SPMAP2L: variants seen among roughly 807,000 people sequenced by gnomAD.
SPMAP2L encodes the protein sperm microtubule associated protein 2-like.
At chr4:56,614,662 A>AG in the SPMAP2L span, among the ~76,000 whole-genome samples, 1 of 152,096 alleles carries the variant, frequency 6.6e-6, no homozygotes, top group Non-Finnish European at 1.5e-5. Flanking sequence ...AAAAAAAAAA[A>AG]GTTTTCTCTG....
chr4:56,605,462 C>G, the SPMAP2L span, among the ~76,000 whole-genome samples: 1 of 150,954 alleles, frequency 6.6e-6, no homozygotes, highest in Admixed American at 6.6e-5. Context: ...GAACTTTGAT[C>G]CCATGGGAAA....
At chr4:56,618,493 A>G in the SPMAP2L span, among the ~76,000 whole-genome samples, 3 of 152,194 alleles carry the variant, frequency 2.0e-5, no homozygotes, top group African/African-American at 7.2e-5. Flanking sequence ...GAAACTTACA[A>G]TCATGGCAGA....
the SPMAP2L span, among the ~76,000 whole-genome samples, chr4:56,581,317 T>C: frequency 6.6e-5 from 10 of 150,614 alleles, no homozygotes; most frequent in African/African-American, 2.4e-4. Context: ...TAGCCAGGAG[T>C]GGTGGTGTGT....
the SPMAP2L span, among the ~76,000 whole-genome samples, chr4:56,560,891 G>A: frequency 2.0e-5 from 3 of 152,114 alleles, no homozygotes; most frequent in East Asian, 5.8e-4. Flanking sequence ...GATTACAGGT[G>A]TGAGCCACCA....
chr4:56,582,372 A>G, the SPMAP2L span, among the ~76,000 whole-genome samples: 349 of 152,246 alleles, frequency 2.3e-3, 2 homozygotes, highest in African/African-American at 8.2e-3. Flanking sequence ...AAATAACCCA[A>G]TTTTTTAAAT....
chr4:56,563,148 G>A, the SPMAP2L span, among the ~76,000 whole-genome samples: 15,177 of 142,572 alleles, frequency 0.11, 903 homozygotes, highest in East Asian at 0.19. Context: ...GCTGGAGTGC[G>A]GTGGTGTGAT....
chr4:56,570,690 G>A, the SPMAP2L span, among the ~76,000 whole-genome samples: 1 of 152,096 alleles, frequency 6.6e-6, no homozygotes, highest in South Asian at 2.1e-4. Flanking sequence ...GCATGCTACG[G>A]TAGACTTTAT....
chr4:56,606,353 G>A, the SPMAP2L span, among the ~76,000 whole-genome samples: 1 of 152,078 alleles, frequency 6.6e-6, no homozygotes, highest in African/African-American at 2.4e-5. Flanking sequence ...AGCTTTATGG[G>A]GATTTTTATT....
At chr4:56,567,913 T>TTATTATTATTTCAGA in the SPMAP2L span, among the ~76,000 whole-genome samples, 2 of 152,050 alleles carry the variant, frequency 1.3e-5, no homozygotes, top group African/African-American at 4.8e-5. Flanking sequence ...AAACTTTCAG[T>TTATTATTATTTCAGA]TATTATTATT....
At chr4:56,562,413 T>C in the SPMAP2L span, among the ~76,000 whole-genome samples, 1 of 152,148 alleles carries the variant, frequency 6.6e-6, no homozygotes, top group Middle Eastern at 3.2e-3. Flanking sequence ...GGTTTCTTTC[T>C]GGTAAAATCC....
chr4:56,584,938 G>A, the SPMAP2L span, among the ~76,000 whole-genome samples: 1 of 152,148 alleles, frequency 6.6e-6, no homozygotes, highest in Admixed American at 6.5e-5. Context: ...ATATAATAGG[G>A]GCAAGTCAGC....
At chr4:56,623,802 C>A in the SPMAP2L span, among the ~76,000 whole-genome samples, 1 of 152,176 alleles carries the variant, frequency 6.6e-6, no homozygotes, top group Non-Finnish European at 1.5e-5. Flanking sequence ...TCATGTGGAA[C>A]TGTAAGTCCA....
At chr4:56,554,488 T>G in the SPMAP2L span, among the ~76,000 whole-genome samples, 3 of 152,222 alleles carry the variant, frequency 2.0e-5, no homozygotes, top group Non-Finnish European at 4.4e-5. Flanking sequence ...TTTGTTCAGT[T>G]CTTCTGCCCA....
At chr4:56,546,766 C>T in the SPMAP2L span, among the ~76,000 whole-genome samples, 1 of 152,102 alleles carries the variant, frequency 6.6e-6, no homozygotes, top group Non-Finnish European at 1.5e-5. Context: ...ACTCTCTAAC[C>T]TGTGTCAGGT....
At chr4:56,584,026 G>A in the SPMAP2L span, among the ~76,000 whole-genome samples, 2 of 151,890 alleles carry the variant, frequency 1.3e-5, no homozygotes, top group East Asian at 3.9e-4. Flanking sequence ...GAGTGCAGTG[G>A]TGCAATCTTG....
At chr4:56,556,925 G>A in the SPMAP2L span, among the ~76,000 whole-genome samples, 2 of 151,860 alleles carry the variant, frequency 1.3e-5, no homozygotes, top group Admixed American at 1.3e-4. Flanking sequence ...CCTGGAGCAC[G>A]TGCTATTGTT....
the SPMAP2L span, among the ~76,000 whole-genome samples, chr4:56,591,626 G>T: frequency 3.9e-5 from 6 of 152,126 alleles, no homozygotes; most frequent in African/African-American, 1.4e-4. Flanking sequence ...AAACAGCACA[G>T]GAAGGAATTT....
chr4:56,594,067 T>C, the SPMAP2L span: 8 of 1,610,414 alleles, frequency 5.0e-6, no homozygotes, highest in Non-Finnish European at 6.8e-6. Context: ...CACTTGGTAT[T>C]TCTCTTGATG....
the SPMAP2L span, chr4:56,601,110 G>C: frequency 6.5e-7 from 1 of 1,532,522 alleles, no homozygotes; most frequent in African/African-American, 1.4e-5. Flanking sequence ...CAAATAAGAG[G>C]TATGTCAATT....
Sources: gnomAD v4.1 joint callset for allele counts (sites outside exome capture counted in the v4.1 genomes callset) on GRCh38, gnomAD v4.1.1 for gene constraint, MANE v1.5 for transcripts, NCBI Gene and HGNC (gene_info 2026-07-23, HGNC 2026-07-21) for gene names.